DLGAP2: variants seen among roughly 807,000 people sequenced by gnomAD.
DLGAP2 encodes DLG associated protein 2.
In DLGAP2, 26 loss-of-function variants were observed where a neutral mutation model predicts 100.3. That is an observed-to-expected ratio of 0.26 (90% CI 0.19 to 0.36). The LOEUF (loss-of-function observed/expected upper bound fraction) is 0.36, where lower values mean the gene tolerates loss of function less well. DLGAP2 is among the 10% of genes least tolerant of loss of function. The pLI is 1.00. For missense variants in DLGAP2, 1,858 were observed against 1,453.2 expected (o/e 1.28, Z -4.53); for synonymous variants, 886 against 630.1 (o/e 1.41, Z -6.08).
chr8:914,367 C>T (rs925410579), intron 2 of DLGAP2, among the ~76,000 whole-genome samples: 1 of 152,238 alleles, frequency 6.6e-6, no homozygotes, highest in African/African-American at 2.4e-5. Flanking sequence ...CCACGTTCCT[C>T]ATATGCTTGA....
chr8:1,228,030 A>G (rs566976887), intron 2 of DLGAP2, among the ~76,000 whole-genome samples: 163 of 152,196 alleles, frequency 1.1e-3, no homozygotes, highest in Admixed American at 2.8e-3. Context: ...AATATACACA[A>G]TAACACTTGG....
chr8:1,289,502 G>C (rs184977916), intron 3 of DLGAP2, among the ~76,000 whole-genome samples: 2 of 152,308 alleles, frequency 1.3e-5, no homozygotes, highest in Non-Finnish European at 2.9e-5. Flanking sequence ...TAAGACTCAC[G>C]TGCGGGGATA....
At chr8:854,148 T>C (rs1797232578) in intron 1 of DLGAP2, among the ~76,000 whole-genome samples, 1 of 152,130 alleles carries the variant, frequency 6.6e-6, no homozygotes, top group Non-Finnish European at 1.5e-5. Context: ...CGGTCTATGA[T>C]ACCTTGTTCT....
intron 2 of DLGAP2, among the ~76,000 whole-genome samples, chr8:923,528 G>A (rs1028129609): frequency 2.0e-5 from 3 of 152,232 alleles, no homozygotes; most frequent in Non-Finnish European, 4.4e-5. Flanking sequence ...AGTTCCTGAA[G>A]TTGACATAAC....
At chr8:1,145,006 AC>A (rs1264207874) in intron 2 of DLGAP2, among the ~76,000 whole-genome samples, 2 of 152,272 alleles carry the variant, frequency 1.3e-5, no homozygotes. Flanking sequence ...GCCTGTATTC[AC>A]AATGCAAAGG....
At chr8:1,669,859 G>T (rs1486551858) in intron 10 of DLGAP2, 75 bp downstream of exon 10, 3 of 777,752 alleles carry the variant, frequency 3.9e-6, no homozygotes, top group South Asian at 1.4e-5. Flanking sequence ...ATGTTCATGC[G>T]ACCGCTCTTG....
chr8:1,217,134 C>T (rs1254638201), intron 2 of DLGAP2, among the ~76,000 whole-genome samples: 1 of 152,158 alleles, frequency 6.6e-6, no homozygotes, highest in Non-Finnish European at 1.5e-5. Context: ...AAATAGACCC[C>T]AGTATCTGTT....
chr8:1,188,184 C>T lies in DLGAP2; in HGVS notation c.74-70667C>T, dbSNP rs192332459. ...TTTCCCTCACGGAATCTCACACGCC[C>T]GGGACCTCTGTGACGTTTCCCTCAC... On this transcript the variant is annotated intron_variant, in intron 2 of 14. Transcript: ENST00000637795. 1.4e-4 allele frequency among the ~76,000 whole-genome samples: 20 copies of T among 139,904 alleles called. 1 individual carries two copies. The East Asian group carries it at 3.9e-3, about 28-fold the overall frequency. The allele number at this position is 139,904 out of a possible 152,430, so 91.8% of individuals were successfully genotyped here. A position where few individuals can be genotyped will look rare whatever the true frequency, so the allele number is the denominator to read the frequency against.
Position 1,344,271 on chromosome 8 carries a change from G to A in DLGAP2, c.106+85388G>A, listed in dbSNP as rs116877463. On this transcript the variant is annotated intron_variant, in intron 3 of 14. Transcript: ENST00000637795. ...TTCGCCCAGTCTCCCCTCGAGCTAC[G>A]TGCCCAGGCATTGTGGGTGGCTGGC... Among the ~76,000 whole-genome samples, 404 of 151,482 alleles carry A rather than the reference G, an allele frequency of 2.7e-3. 6 individuals are homozygous for A. Among genetic ancestry groups the A allele is most frequent in the Middle Eastern group, 0.021 (6 of 292 alleles).
chr8:1,137,931 C>T (rs1796451416), intron 2 of DLGAP2, among the ~76,000 whole-genome samples: 2 of 152,122 alleles, frequency 1.3e-5, no homozygotes, highest in Admixed American at 1.3e-4. Context: ...GCTGGGACTG[C>T]AGGCATGGGC....
intron 2 of DLGAP2, among the ~76,000 whole-genome samples, chr8:1,243,684 C>T (rs1195802135): frequency 6.6e-6 from 1 of 152,096 alleles, no homozygotes; most frequent in East Asian, 1.9e-4. Context: ...CTGGAGCCTG[C>T]CGATGCCCAT....
chr8:1,079,555 A>G lies in DLGAP2; in HGVS notation c.73+171589A>G, dbSNP rs965795168. Reference sequence around the variant, plus strand: ...TTATTCTATGTTTTGTGGTTTCGTCATACAGCTATGCTCCCCAACAAAGGA... The same window carrying G: ...TTATTCTATGTTTTGTGGTTTCGTCGTACAGCTATGCTCCCCAACAAAGGA... On this transcript the variant is annotated intron_variant, in intron 2 of 14. Coordinates refer to ENST00000637795, the MANE Select transcript of DLGAP2 (RefSeq NM_001346810.2). 5.3e-4 allele frequency among the ~76,000 whole-genome samples: 80 copies of G among 152,350 alleles called. 1 individual carries two copies. The highest frequency in any genetic ancestry group is 1.9e-3 in the African/African-American group (77 of 41,584).
chr8:1,090,073 C>T (rs1188908016), intron 2 of DLGAP2, among the ~76,000 whole-genome samples: 2 of 142,160 alleles, frequency 1.4e-5, no homozygotes, highest in Non-Finnish European at 3.1e-5. Context: ...TGCCTGTCTG[C>T]ACTCTGGAGC....
At chr8:853,554 C>T (rs1406626284) in intron 1 of DLGAP2, among the ~76,000 whole-genome samples, 1 of 152,120 alleles carries the variant, frequency 6.6e-6, no homozygotes, top group Non-Finnish European at 1.5e-5. Context: ...AGCCCAGGGC[C>T]AGACTCACCC....
At chr8:1,306,572 C>T (rs1800496767) in intron 3 of DLGAP2, among the ~76,000 whole-genome samples, 1 of 151,958 alleles carries the variant, frequency 6.6e-6, no homozygotes, top group African/African-American at 2.4e-5. Context: ...TACAAGGGAC[C>T]CCAAATACTC....
chr8:1,623,760 G>A (rs575716343), intron 6 of DLGAP2, among the ~76,000 whole-genome samples: 1 of 152,360 alleles, frequency 6.6e-6, no homozygotes, highest in South Asian at 2.1e-4. Context: ...AAGAGGCCTG[G>A]TTTATAGGAC....
intron 3 of DLGAP2, among the ~76,000 whole-genome samples, chr8:1,468,365 C>T (rs898489127): frequency 3.3e-5 from 5 of 151,926 alleles, no homozygotes; most frequent in South Asian, 4.2e-4. Context: ...GAGTCCCCAG[C>T]AGCCTCAGTC....
At chr8:1,317,201 A>G (rs1404040419) in intron 3 of DLGAP2, among the ~76,000 whole-genome samples, 3 of 135,572 alleles carry the variant, frequency 2.2e-5, no homozygotes, top group South Asian at 2.4e-4. Flanking sequence ...CGTCTCTCCA[A>G]CAGTGGTCTA....
At chr8:1,503,851 C>T (rs749673857) in intron 4 of DLGAP2, among the ~76,000 whole-genome samples, 5 of 152,110 alleles carry the variant, frequency 3.3e-5, no homozygotes, top group African/African-American at 7.2e-5. Flanking sequence ...CCCTCAAACA[C>T]GTGCCTGGCT....
Sources: allele counts gnomAD v4.1 joint callset (sites outside exome capture counted in the v4.1 genomes callset), GRCh38; gene constraint gnomAD v4.1.1; transcripts MANE v1.5; gene names NCBI Gene and HGNC (gene_info 2026-07-23, HGNC 2026-07-21).